MPP7: variants seen among roughly 807,000 people sequenced by gnomAD.
MPP7 encodes MAGUK p55 subfamily member 7.
MPP7 carries 60 observed loss-of-function variants against 76.5 expected under a neutral mutation model. That is an observed-to-expected ratio of 0.78 (90% CI 0.64 to 0.97). MPP7 has a LOEUF of 0.97. MPP7 is among the 50% of genes least tolerant of loss of function. MPP7 has a pLI of 0.00. For missense variants in MPP7, 641 were observed against 694.0 expected, an observed-to-expected ratio of 0.92 and a Z score of 0.86; for synonymous variants, 237 against 244.5, an observed-to-expected ratio of 0.97 and a Z score of 0.29.
At chr10:28,313,932 C>T (rs1841305311) in intron 2 of MPP7, among the ~76,000 whole-genome samples, 1 of 143,910 alleles carries the variant, frequency 6.9e-6, no homozygotes, top group Non-Finnish European at 1.5e-5. Flanking sequence ...TCTTGAACTC[C>T]TGGGCTCAAG....
chr10:28,138,428 C>G (rs1415117898), intron 5 of MPP7, among the ~76,000 whole-genome samples: 1 of 152,168 alleles, frequency 6.6e-6, no homozygotes, highest in Non-Finnish European at 1.5e-5. Context: ...TCTAGTTAGG[C>G]CTTTGGCTAC....
intron 3 of MPP7, among the ~76,000 whole-genome samples, 158 bp from the exon 4 acceptor site, chr10:28,150,217 T>C (rs373207833): frequency 1.3e-5 from 2 of 152,238 alleles, no homozygotes; most frequent in South Asian, 4.1e-4. Context: ...TACATGCTAA[T>C]ATAAACCCAT....
upstream of MPP7, among the ~76,000 whole-genome samples, chr10:28,306,668 T>G (rs72803696): frequency 0.065 from 9,606 of 148,470 alleles, 479 homozygotes; most frequent in African/African-American, 0.11. Context: ...GATAGATAGA[T>G]AGAGAGAGAG....
intron 1 of MPP7, among the ~76,000 whole-genome samples, chr10:28,290,987 T>C (rs1353103952): frequency 6.6e-6 from 1 of 152,212 alleles, no homozygotes; most frequent in Non-Finnish European, 1.5e-5. Context: ...AAATTAGGAT[T>C]ATCCTGATGA....
rs769152875 is a variant in MPP7 at position 28,056,557 on chromosome 10, C to G, written c.1474G>C (p.Glu492Gln). Residue 492 changes from glutamate (E) to glutamine (Q), a missense_variant, in exon 16 of 17, where the codon GAG becomes CAG. Glu to Gln is a conservative substitution (Grantham distance 29). Transcript: ENST00000683449. ...YVIFIKPPSIERLRETRKNAK... is the reference protein window; with the variant it reads ...YVIFIKPPSIQRLRETRKNAK... ...TTTTTTCTTGTTTCTCTCAAACGCTCTATTGATGGAGGCTTTATAAATATC... is the reference window on the plus strand; with the variant it reads ...TTTTTTCTTGTTTCTCTCAAACGCTGTATTGATGGAGGCTTTATAAATATC... 82 of 1,612,408 alleles carry G rather than the reference C, an allele frequency of 5.1e-5. No homozygotes were observed. Among genetic ancestry groups the G allele is most frequent in the Non-Finnish European group, 7.0e-5 (82 of 1,179,648 alleles).
At chr10:28,320,253 G>A (rs946744253) in intron 2 of MPP7, among the ~76,000 whole-genome samples, 2 of 152,126 alleles carry the variant, frequency 1.3e-5, no homozygotes, top group Non-Finnish European at 2.9e-5. Context: ...AAGGTTTGAG[G>A]CAGCAATGAG....
intron 13 of MPP7, among the ~76,000 whole-genome samples, chr10:28,061,065 C>T (rs1851765229): frequency 6.6e-6 from 1 of 151,976 alleles, no homozygotes; most frequent in South Asian, 2.1e-4. Context: ...CAACATTCTC[C>T]CGAATATGGT....
intron 6 of MPP7, among the ~76,000 whole-genome samples, chr10:28,128,365 A>G (rs1835085314): frequency 2.0e-5 from 3 of 152,200 alleles, no homozygotes; most frequent in Admixed American, 2.0e-4. Context: ...AGAGTCTCCA[A>G]TGACCATTTC....
At chr10:28,141,777 A>G (rs1035470312) in intron 5 of MPP7, among the ~76,000 whole-genome samples, 6 of 152,052 alleles carry the variant, frequency 3.9e-5, no homozygotes, top group African/African-American at 1.2e-4. Flanking sequence ...TTTTTATGAC[A>G]TAAAAGAGAA....
chr10:28,262,512 T>G (rs532099476), intron 1 of MPP7, among the ~76,000 whole-genome samples: 29 of 151,978 alleles, frequency 1.9e-4, no homozygotes, highest in African/African-American at 6.8e-4. Context: ...GTCACAAATA[T>G]TTTAGGTTAC....
chr10:28,223,312 G>T (rs985731545), intron 2 of MPP7, among the ~76,000 whole-genome samples: 2 of 152,168 alleles, frequency 1.3e-5, no homozygotes, highest in African/African-American at 4.8e-5. Context: ...ATCTTCTGAG[G>T]AAACAGTGCA....
At chr10:28,164,729 A>G (rs1256109660) in intron 3 of MPP7, among the ~76,000 whole-genome samples, 1 of 151,986 alleles carries the variant, frequency 6.6e-6, no homozygotes, top group Non-Finnish European at 1.5e-5. Flanking sequence ...GGGGCCCAAG[A>G]TAATTCTTCT....
intron 3 of MPP7, among the ~76,000 whole-genome samples, chr10:28,170,629 T>A (rs1033935387): frequency 1.3e-5 from 2 of 150,692 alleles, no homozygotes; most frequent in Admixed American, 6.6e-5. Context: ...ATACATGTAT[T>A]ATTATTATAT....
chr10:28,293,035 C>A (rs1258598841), intron 1 of MPP7, among the ~76,000 whole-genome samples: 1 of 137,670 alleles, frequency 7.3e-6, no homozygotes. Flanking sequence ...ACACAAGACC[C>A]AGAAGGTTAA....
intron 12 of MPP7, among the ~76,000 whole-genome samples, chr10:28,076,012 A>G (rs1314686307): frequency 6.6e-6 from 1 of 152,222 alleles, no homozygotes; most frequent in Non-Finnish European, 1.5e-5. Flanking sequence ...GGAGTGTGAG[A>G]GAAAGTTAAA....
intron 1 of MPP7, among the ~76,000 whole-genome samples, chr10:28,287,442 T>C (rs1840814578): frequency 6.6e-6 from 1 of 152,214 alleles, no homozygotes; most frequent in African/African-American, 2.4e-5. Flanking sequence ...TAAAGTTTAT[T>C]TGCAATGTGG....
At chr10:28,254,650 A>G (rs999628937) in intron 1 of MPP7, 2 of 152,328 alleles carry the variant, frequency 1.3e-5, no homozygotes, top group Admixed American at 6.5e-5. Context: ...AGATAACCAC[A>G]ATATAGATTT....
intron 3 of MPP7, among the ~76,000 whole-genome samples, chr10:28,194,305 C>T (rs1231091202): frequency 6.6e-6 from 1 of 152,228 alleles, no homozygotes; most frequent in African/African-American, 2.4e-5. Context: ...TGAGCCACCA[C>T]ACCTGGCCAG....
chr10:28,064,417 G>A (rs1851911942), intron 13 of MPP7, among the ~76,000 whole-genome samples: 1 of 152,174 alleles, frequency 6.6e-6, no homozygotes. Flanking sequence ...AATCTATTGT[G>A]ACAGAACGCA....
Sources: allele counts gnomAD v4.1 joint callset (sites outside exome capture counted in the v4.1 genomes callset), GRCh38; gene constraint gnomAD v4.1.1; transcripts MANE v1.5; gene names NCBI Gene and HGNC (gene_info 2026-07-23, HGNC 2026-07-21).